The following HNF4G variants were observed in gnomAD, a reference collection of about 807,000 sequenced individuals.
HNF4G encodes the protein hepatocyte nuclear factor 4 gamma.
Under a neutral mutation model 50.9 loss-of-function variants are expected in HNF4G, and 21 were observed. That is an observed-to-expected ratio of 0.41 (90% CI 0.29 to 0.59). The LOEUF (loss-of-function observed/expected upper bound fraction) is 0.59, where lower values mean the gene tolerates loss of function less well. HNF4G is among the 20% of genes least tolerant of loss of function. The pLI, the probability that HNF4G is intolerant of heterozygous loss-of-function variation, is 0.26. For missense variants in HNF4G, 527 were observed against 559.4 expected (o/e 0.94, Z 0.58); for synonymous variants, 198 against 185.6 (o/e 1.07, Z -0.54).
chr8:75,530,499 T>C (rs939609616), intron 2 of HNF4G, among the ~76,000 whole-genome samples: 4 of 151,748 alleles, frequency 2.6e-5, no homozygotes, highest in East Asian at 1.9e-4. Context: ...AACACTCAGG[T>C]ACCAAACTGA....
chr8:75,542,081 G>A (rs545232324), intron 1 of HNF4G, among the ~76,000 whole-genome samples: 4 of 152,096 alleles, frequency 2.6e-5, no homozygotes, highest in South Asian at 4.2e-4. Flanking sequence ...CAGGAGGATC[G>A]CTTGAGCCCA....
upstream of HNF4G, among the ~76,000 whole-genome samples, chr8:75,535,457 T>C (rs1233814793): frequency 2.0e-5 from 3 of 151,828 alleles, no homozygotes; most frequent in Non-Finnish European, 3.0e-5. Flanking sequence ...GTTTCCTGCT[T>C]ACACTGAAAA....
rs528790520 is a variant in HNF4G at position 75,555,282 on chromosome 8, G to A, written c.646-700G>A. On this transcript the variant is annotated intron_variant, in intron 5 of 9. Coordinates refer to ENST00000396423, the MANE Select transcript of HNF4G (RefSeq NM_004133.5). ...GATGTGAACAAGCACTTTGGATTAC[G>A]GTGTCATTTACTAGATGAAGATAAT... 5.9e-5 allele frequency among the ~76,000 whole-genome samples: 9 copies of A among 152,202 alleles called. No homozygotes were observed. In the South Asian group the frequency reaches 1.7e-3, roughly 28 times the overall value.
chr8:75,430,124 C>T (rs1169630568), intron 1 of HNF4G, among the ~76,000 whole-genome samples: 1 of 151,014 alleles, frequency 6.6e-6, no homozygotes, highest in Non-Finnish European at 1.5e-5. Flanking sequence ...ACACTCCAGC[C>T]TGGTCAACAG....
At chr8:75,454,132 A>C (rs950068590) in intron 1 of HNF4G, among the ~76,000 whole-genome samples, 7 of 78,846 alleles carry the variant, frequency 8.9e-5, no homozygotes, top group Admixed American at 3.7e-4. Flanking sequence ...CCTCTCCCCC[A>C]CTCCACATAC....
intron 1 of HNF4G, among the ~76,000 whole-genome samples, chr8:75,481,737 C>T (rs1812384496): frequency 6.6e-6 from 1 of 152,008 alleles, no homozygotes; most frequent in Non-Finnish European, 1.5e-5. Flanking sequence ...TGGCCAAATT[C>T]TATTTCAATA....
At chr8:75,471,929 TCTTA>T (rs1452512798) in intron 1 of HNF4G, among the ~76,000 whole-genome samples, 2 of 152,222 alleles carry the variant, frequency 1.3e-5, no homozygotes, top group Admixed American at 1.3e-4. Flanking sequence ...CTTCATGGCT[TCTTA>T]CTTATGGTAC....
At chr8:75,411,545 A>G (rs1039787455) in intron 1 of HNF4G, among the ~76,000 whole-genome samples, 1 of 152,184 alleles carries the variant, frequency 6.6e-6, no homozygotes, top group Non-Finnish European at 1.5e-5. Flanking sequence ...TCTTTACATG[A>G]TAGAATTAGC....
intron 1 of HNF4G, among the ~76,000 whole-genome samples, chr8:75,420,453 G>A (rs568486823): frequency 5.3e-5 from 8 of 152,318 alleles, no homozygotes; most frequent in Admixed American, 2.0e-4. Context: ...GGCCTCAGCC[G>A]TCTCTCTTTT....
chr8:75,457,724 C>A (rs1010704219), intron 1 of HNF4G, among the ~76,000 whole-genome samples: 1 of 151,874 alleles, frequency 6.6e-6, no homozygotes, highest in East Asian at 1.9e-4. Context: ...GCATCAGGGG[C>A]GGTGGGGGTG....
intron 2 of HNF4G, among the ~76,000 whole-genome samples, chr8:75,490,424 C>T (rs937598730): frequency 9.2e-5 from 14 of 152,196 alleles, no homozygotes; most frequent in South Asian, 8.3e-4. Context: ...TATGACTATG[C>T]CTTTTGTCAT....
chr8:75,465,787 A>G (rs539155852), intron 1 of HNF4G, among the ~76,000 whole-genome samples: 2 of 152,296 alleles, frequency 1.3e-5, no homozygotes, highest in African/African-American at 4.8e-5. Flanking sequence ...AAATATTTTC[A>G]AAGTTTACCA....
intron 1 of HNF4G, among the ~76,000 whole-genome samples, chr8:75,437,190 CA>C (rs1419968002): frequency 6.6e-6 from 1 of 151,986 alleles, no homozygotes; most frequent in East Asian, 1.9e-4. Flanking sequence ...CAGTCAACTA[CA>C]AAAAGAAAAC....
At chr8:75,428,502 T>C (rs978329249) in intron 1 of HNF4G, among the ~76,000 whole-genome samples, 3 of 152,140 alleles carry the variant, frequency 2.0e-5, no homozygotes, top group Non-Finnish European at 4.4e-5. Context: ...TAATAAGAAG[T>C]ATGTGATGCC....
intron 2 of HNF4G, among the ~76,000 whole-genome samples, chr8:75,501,841 G>C (rs1812936083): frequency 8.5e-6 from 1 of 118,062 alleles, no homozygotes; most frequent in Non-Finnish European, 1.7e-5. Context: ...TTTTCATGAT[G>C]AGAATACCTA....
At chr8:75,546,009 T>A (rs1806768079) in intron 2 of HNF4G, among the ~76,000 whole-genome samples, 1 of 152,164 alleles carries the variant, frequency 6.6e-6, no homozygotes, top group African/African-American at 2.4e-5. Flanking sequence ...GCTCAATTTG[T>A]TGATGATAGG....
At chr8:75,413,371 C>T (rs564664324) in intron 1 of HNF4G, among the ~76,000 whole-genome samples, 4 of 111,082 alleles carry the variant, frequency 3.6e-5, no homozygotes, top group Non-Finnish European at 5.8e-5. Flanking sequence ...GTGAGAACTA[C>T]GATAGTGGCC....
At chr8:75,513,124 G>A (rs959333900) in intron 2 of HNF4G, among the ~76,000 whole-genome samples, 4 of 148,740 alleles carry the variant, frequency 2.7e-5, no homozygotes, top group Admixed American at 6.7e-5. Flanking sequence ...TATAACCTTC[G>A]CCTCCTGGCT....
At chr8:75,454,586 G>A (rs1279262995) in intron 1 of HNF4G, among the ~76,000 whole-genome samples, 1 of 152,122 alleles carries the variant, frequency 6.6e-6, no homozygotes, top group African/African-American at 2.4e-5. Flanking sequence ...CACAGAGCTT[G>A]TTGCTGTGTC....
Sources: allele counts gnomAD v4.1 joint callset (sites outside exome capture counted in the v4.1 genomes callset), GRCh38; gene constraint gnomAD v4.1.1; transcripts MANE v1.5; gene names NCBI Gene and HGNC (gene_info 2026-07-23, HGNC 2026-07-21).